Variants in IQCM observed in about 807,000 individuals in gnomAD.
IQCM encodes the protein IQ domain-containing protein M.
In IQCM, 45 loss-of-function variants were observed where a neutral mutation model predicts 57.6. The ratio of observed to expected loss-of-function variants is 0.78; its 90% CI spans 0.62 to 1.00. The LOEUF is 1.00. Among genes scored for constraint, IQCM ranks in the 50% least tolerant of loss-of-function variants. IQCM has a pLI of 0.00. For synonymous variants in IQCM, 148 were observed against 158.9 expected, an observed-to-expected ratio of 0.93 and a Z score of 0.51; for missense variants, 468 against 511.6, an observed-to-expected ratio of 0.91 and a Z score of 0.82.
chr4:149,358,771 T>A (rs1203434337), intron 13 of IQCM, among the ~76,000 whole-genome samples: 1 of 102,324 alleles, frequency 9.8e-6, no homozygotes, highest in Non-Finnish European at 2.3e-5. Context: ...GTTTTTTTGG[T>A]TGTAGGCTGG....
intron 8 of IQCM, among the ~76,000 whole-genome samples, chr4:149,616,518 G>T (rs1364551708): frequency 6.6e-6 from 1 of 151,864 alleles, no homozygotes; most frequent in Non-Finnish European, 1.5e-5. Flanking sequence ...AGTAATGATG[G>T]TTACACACAA....
chr4:149,585,056 G>A (rs996659050), intron 9 of IQCM, among the ~76,000 whole-genome samples: 3 of 151,724 alleles, frequency 2.0e-5, no homozygotes, highest in African/African-American at 7.3e-5. Flanking sequence ...TTCCCGCAAA[G>A]CTTGTGGGTA....
At chr4:149,745,503 G>A (rs1275869854) in intron 2 of IQCM, among the ~76,000 whole-genome samples, 1 of 152,160 alleles carries the variant, frequency 6.6e-6, no homozygotes, top group Admixed American at 6.5e-5. Context: ...GCACATTTGT[G>A]AAAAAGTCCT....
chr4:149,699,466 C>G (rs549684395), intron 5 of IQCM, among the ~76,000 whole-genome samples: 100 of 152,026 alleles, frequency 6.6e-4, no homozygotes, highest in African/African-American at 2.4e-3. Flanking sequence ...TGGCTACAGT[C>G]CAATACCTTT....
At chr4:149,671,810 A>G (rs1360730329) in intron 7 of IQCM, among the ~76,000 whole-genome samples, 1 of 152,106 alleles carries the variant, frequency 6.6e-6, no homozygotes, top group Non-Finnish European at 1.5e-5. Context: ...CTTAATCCTG[A>G]GTTCTAGTTT....
intron 12 of IQCM, among the ~76,000 whole-genome samples, chr4:149,536,347 C>T (rs1747293382): frequency 6.6e-6 from 1 of 151,998 alleles, no homozygotes; most frequent in African/African-American, 2.4e-5. Flanking sequence ...ATGGCTCCCT[C>T]TCCAGGTACC....
At chr4:149,599,515 G>C (rs1203763288) in intron 8 of IQCM, among the ~76,000 whole-genome samples, 4 of 151,980 alleles carry the variant, frequency 2.6e-5, no homozygotes, top group Non-Finnish European at 4.4e-5. Flanking sequence ...CTTAAGCTTT[G>C]TGGGTCTTTT....
At chr4:149,509,523 AC>A (rs1744185353) in intron 12 of IQCM, among the ~76,000 whole-genome samples, 1 of 151,946 alleles carries the variant, frequency 6.6e-6, no homozygotes, top group Admixed American at 6.6e-5. Context: ...TGCTAGGATT[AC>A]AGCATGAGCC....
At chr4:149,515,071 CGTGT>C (rs58534209) in intron 12 of IQCM, among the ~76,000 whole-genome samples, 24,655 of 142,758 alleles carry the variant, frequency 0.17, 2,463 homozygotes, top group East Asian at 0.29. Context: ...TATATATACA[CGTGT>C]GTGTGTGTGT....
chr4:149,511,528 T>C (rs1579313637), intron 12 of IQCM, among the ~76,000 whole-genome samples: 1 of 1,286 alleles, frequency 7.8e-4, no homozygotes, highest in Non-Finnish European at 1.5e-3. Flanking sequence ...ACCCTGTCTC[T>C]AAATAAATAA....
chr4:149,484,533 T>G (rs894645917), intron 12 of IQCM, among the ~76,000 whole-genome samples: 2 of 152,030 alleles, frequency 1.3e-5, no homozygotes, highest in African/African-American at 2.4e-5. Flanking sequence ...TATTTTAAAC[T>G]GATGACACCT....
intron 2 of IQCM, among the ~76,000 whole-genome samples, chr4:149,748,373 T>G (rs1333341793): frequency 1.3e-5 from 2 of 152,270 alleles, no homozygotes; most frequent in Non-Finnish European, 2.9e-5. Context: ...ATTCCCAGCT[T>G]ACATGAAATA....
intron 12 of IQCM, among the ~76,000 whole-genome samples, chr4:149,510,937 A>G (rs1744342331): frequency 1.3e-5 from 2 of 152,186 alleles, no homozygotes; most frequent in African/African-American, 4.8e-5. Flanking sequence ...ATACTCTGTT[A>G]TTTGAAAGCA....
At chr4:149,415,117 C>G (rs1257317488) in intron 13 of IQCM, among the ~76,000 whole-genome samples, 3 of 152,078 alleles carry the variant, frequency 2.0e-5, no homozygotes, top group African/African-American at 7.2e-5. Context: ...GAAATGGATA[C>G]TTTGATTAAA....
chr4:149,688,784 C>T (rs1762733814), intron 5 of IQCM, among the ~76,000 whole-genome samples: 1 of 151,854 alleles, frequency 6.6e-6, no homozygotes, highest in African/African-American at 2.4e-5. Context: ...GAAGAGAGAA[C>T]CCAGAAATAA....
chr4:149,605,812 A>C (rs941229266), intron 8 of IQCM, among the ~76,000 whole-genome samples: 1 of 96,056 alleles, frequency 1.0e-5, no homozygotes, highest in African/African-American at 2.8e-5. Flanking sequence ...TGAGTCACTG[A>C]GTCAGTGAAG....
intron 7 of IQCM, among the ~76,000 whole-genome samples, chr4:149,629,414 G>A (rs966027353): frequency 6.6e-5 from 10 of 151,864 alleles, no homozygotes; most frequent in African/African-American, 1.2e-4. Context: ...ATATAATGGC[G>A]ATTTTGATTT....
chr4:149,755,595 G>C (rs569634780), intron 2 of IQCM, among the ~76,000 whole-genome samples: 1 of 152,078 alleles, frequency 6.6e-6, no homozygotes, highest in Non-Finnish European at 1.5e-5. Context: ...ACCCATTCAC[G>C]ATTGCAACCC....
intron 7 of IQCM, among the ~76,000 whole-genome samples, chr4:149,648,866 G>A (rs1220031822): frequency 1.3e-5 from 2 of 151,590 alleles, no homozygotes; most frequent in African/African-American, 4.9e-5. Context: ...CCTGCACGTT[G>A]TGCACATGTA....
Sources: gnomAD v4.1 joint callset for allele counts (sites outside exome capture counted in the v4.1 genomes callset) on GRCh38, gnomAD v4.1.1 for gene constraint, MANE v1.5 for transcripts, NCBI Gene and HGNC (gene_info 2026-07-23, HGNC 2026-07-21) for gene names.